SLC22A7: variants seen among roughly 807,000 people sequenced by gnomAD.
The protein encoded by SLC22A7 is solute carrier family 22 member 7, also known as hOAT2.
Under a neutral mutation model 62.2 loss-of-function variants are expected in SLC22A7, and 48 were observed. The observed-to-expected ratio is 0.77, with a 90% CI of 0.61 to 0.98. The LOEUF (loss-of-function observed/expected upper bound fraction) is 0.98, where lower values mean the gene tolerates loss of function less well. SLC22A7 is among the 50% of genes least tolerant of loss of function. The pLI is 0.00. For synonymous variants in SLC22A7, 276 were observed against 314.8 expected (o/e 0.88, Z 1.30); for missense variants, 581 against 703.8 (o/e 0.83, Z 1.97).
Position 43,302,771 on chromosome 6 carries a change from A to C in SLC22A7, c.1385+8A>C. On this transcript the variant is annotated splice_region_variant and intron_variant, in intron 9 of 10. Transcript: ENST00000372585. This position sits in a 1 kb window ranked among gnomAD's most constrained non-coding sequence, Gnocchi z 5.0. ...GTACCCTACGGTGCTCAGGTGAGGA[A>C]GCCTGCAACTGATCTGGGGGTATGG... 6.4e-7 allele frequency: 1 copy of C among 1,573,070 alleles called. No individual in the cohort carries two copies. The highest frequency in any genetic ancestry group is 1.7e-4 in the Middle Eastern group (1 of 5,972).
chr6:43,295,848 T>A (rs192465328), upstream of SLC22A7: 1 of 152,314 alleles, frequency 6.6e-6, no homozygotes, highest in Admixed American at 6.5e-5. Flanking sequence ...GGGAATAAGA[T>A]GGAGCCAGAG....
At chr6:43,297,069 GCCA>G (rs1203509349), upstream of SLC22A7, among the ~76,000 whole-genome samples, 1 of 152,094 alleles carries the variant, frequency 6.6e-6, no homozygotes, top group Admixed American at 6.5e-5. Context: ...CCCTGTCACT[GCCA>G]CCACCATTAG....
At chr6:43,298,989 A>C in intron 1 of SLC22A7, 103 bp from the exon 2 acceptor site, 1 of 1,255,656 alleles carries the variant, frequency 8.0e-7, no homozygotes, top group Non-Finnish European at 1.1e-6. Flanking sequence ...GGGAAGGGCT[A>C]AAGTGGCTTC....
chr6:43,301,522 G>A, intron 6 of SLC22A7, 61 bp from the exon 7 acceptor site: 1 of 1,316,812 alleles, frequency 7.6e-7, no homozygotes, highest in Non-Finnish European at 1.1e-6. Flanking sequence ...GGAGAGTACT[G>A]TGTCCCATTG....
intron 10 of SLC22A7, 73 bp downstream of exon 10, chr6:43,304,317 C>T: frequency 7.8e-7 from 1 of 1,282,668 alleles, no homozygotes; most frequent in East Asian, 2.5e-5. Flanking sequence ...ATACCTGACA[C>T]CTTAGGATTC....
Position 43,304,806 on chromosome 6 carries a change from T to C in SLC22A7, c.*81T>C, listed in dbSNP as rs1258818995. On this transcript the variant is annotated 3_prime_UTR_variant, in exon 11 of 11. Transcript: ENST00000372585. ...GAAGGGCAGGCCCTGCAACTCAGGC[T>C]GGGAGTATCGAACCCTCTGCCTAGG... 2 of 1,186,628 alleles carry C rather than the reference T, an allele frequency of 1.7e-6. No individual in the cohort carries two copies. The highest frequency in any genetic ancestry group is 2.3e-6 in the Non-Finnish European group (2 of 852,000). The allele number at this position is 1,186,628 out of a possible 1,614,324, so 73.5% of individuals were successfully genotyped here.
In SLC22A7 at chr6:43,304,248, T is replaced by C; in HGVS notation, c.1592+4T>C. 1.9e-6 allele frequency: 3 copies of C among 1,541,956 alleles called. No individual in the cohort carries two copies. The highest frequency in any genetic ancestry group is 1.8e-6 in the Non-Finnish European group (2 of 1,142,158). On this transcript the variant is annotated splice_donor_region_variant and intron_variant, in intron 10 of 10. Coordinates refer to ENST00000372585, the MANE Select transcript of SLC22A7 (RefSeq NM_153320.2). ...TCCAGGACGTGGAGAGAAAGAGGTG[T>C]GTGCACAGGACTGTGTCTGTGTACG...
rs373161942 is a variant in SLC22A7 at position 43,304,230 on chromosome 6, C to T, written c.1578C>T (p.Asp526=). The change falls in exon 10 of 11, where the codon GAC becomes GAT. Residue 526 remains aspartate, a synonymous_variant. Transcript: ENST00000372585. ...RQAQLPETIQ[D]VERKSAPTSL... ...CACAGCTGCCAGAGACCATCCAGGACGTGGAGAGAAAGAGGTGTGTGCACA... is the reference window on the plus strand; with the variant it reads ...CACAGCTGCCAGAGACCATCCAGGATGTGGAGAGAAAGAGGTGTGTGCACA... 44 of 1,563,214 alleles carry T rather than the reference C, an allele frequency of 2.8e-5. No homozygotes were observed. Among genetic ancestry groups the T allele is most frequent in the South Asian group, 1.7e-4 (14 of 84,822 alleles).
At chr6:43,300,966 A>G (rs2150732378) in intron 5 of SLC22A7, among the ~76,000 whole-genome samples, 169 bp from the exon 6 acceptor site, 1 of 152,342 alleles carries the variant, frequency 6.6e-6, no homozygotes, top group East Asian at 1.9e-4. Flanking sequence ...TGGGCATTAA[A>G]AGATGAATAA....
In SLC22A7 at chr6:43,298,419, G is replaced by A; in HGVS notation, c.61G>A (p.Val21Met). 1 of 1,614,110 alleles carries A rather than the reference G, an allele frequency of 6.2e-7. No individual in the cohort carries two copies. Among genetic ancestry groups the A allele is most frequent in the Non-Finnish European group, 8.5e-7 (1 of 1,180,016 alleles). The change falls in exon 1 of 11, where the codon GTG becomes ATG. Residue 21 changes from valine (V) to methionine (M), a missense_variant. Physicochemically the swap from Val to Met is conservative, Grantham distance 21 (BLOSUM62 1). Coordinates refer to ENST00000372585, the MANE Select transcript of SLC22A7 (RefSeq NM_153320.2). ...CTTTGGGCCCTTCCAACTGCGGAAT[G>A]TGGCACTGCTGGCCCTGCCCCGAGT... ...GGFGPFQLRN[V>M]ALLALPRVLL...
chr6:43,304,101 G>A lies in SLC22A7; in HGVS notation c.1449G>A (p.Ala483=), dbSNP rs76735449. Residue 483 remains alanine, a synonymous_variant, in exon 10 of 11, where the codon GCG becomes GCA. Transcript: ENST00000372585. ...TGGGGGGCTCTTTGGCCCCACTGGC[G>A]GCCTTGCTGGATGGAGTGTGGCTGT... The part of the protein sequence containing the change: ...GRLGGSLAPL[A]ALLDGVWLSL... 36 of 1,600,516 alleles carry A rather than the reference G, an allele frequency of 2.2e-5. No homozygotes were observed. The highest frequency in any genetic ancestry group is 3.4e-5 in the Admixed American group (2 of 58,830).
Position 43,302,131 on chromosome 6 carries a change from T to C in SLC22A7, c.1062-69T>C. 7.2e-7 allele frequency: 1 copy of C among 1,392,366 alleles called. No individual in the cohort carries two copies. The highest frequency in any genetic ancestry group is 2.2e-5 in the Admixed American group (1 of 46,048). The allele number at this position is 1,392,366 out of a possible 1,614,324, so 86.3% of individuals were successfully genotyped here. A position where few individuals can be genotyped will look rare whatever the true frequency, so the allele number is the denominator to read the frequency against. On this transcript the variant is annotated intron_variant, in intron 7 of 10. Coordinates refer to ENST00000372585, the MANE Select transcript of SLC22A7 (RefSeq NM_153320.2). This position sits in a 1 kb window ranked among gnomAD's most constrained non-coding sequence, Gnocchi z 5.0. ...GATTGCCCTTGTAAAATGCCAAGTC[T>C]TCCTGAGAAGAGAGGCCAAAGAGGG... is the stretch of plus-strand genomic sequence containing the variant.
Position 43,298,699 on chromosome 6 carries a change from C to T in SLC22A7, c.341C>T (p.Ser114Phe), listed in dbSNP as rs1342636711. 2 of 1,542,742 alleles carry T rather than the reference C, an allele frequency of 1.3e-6. No individual in the cohort carries two copies. Among genetic ancestry groups the T allele is most frequent in the African/African-American group, 2.7e-5 (2 of 72,934 alleles). ...LEDEPATVPC[S>F]QGWEYDHSEF... ...GATGAACCTGCCACAGTGCCCTGCT[C>T]TCAGGGCTGGGAGTACGACCACTCA... Residue 114 changes from serine to phenylalanine, a missense_variant, in exon 1 of 11, where the codon TCT becomes TTT. Transcript: ENST00000372585.
In SLC22A7 at chr6:43,302,326, G is replaced by C. The variant is rs373090700; in HGVS notation, c.1188G>C (p.Ser396=). The change falls in exon 8 of 11, where the codon TCG becomes TCC. Residue 396 remains serine, a synonymous_variant. Transcript: ENST00000372585. This position sits in a 1 kb window ranked among gnomAD's most constrained non-coding sequence, Gnocchi z 5.0. The part of the protein sequence containing the change: ...ELPSKLLVYL[S]VRYAGRRLTQ... Reference sequence around the variant, plus strand: ...CCTCCAAGCTGCTGGTCTACTTGTCGGTGCGCTACGCAGGACGCCGCCTCA... The same window carrying C: ...CCTCCAAGCTGCTGGTCTACTTGTCCGTGCGCTACGCAGGACGCCGCCTCA... 1.7e-5 allele frequency: 27 copies of C among 1,613,678 alleles called. No homozygotes were observed. The highest frequency in any genetic ancestry group is 2.1e-5 in the Non-Finnish European group (25 of 1,180,000).
rs1327795062 is a variant in SLC22A7 at position 43,301,168 on chromosome 6, C to A, written c.861C>A (p.Thr287=). Residue 287 remains threonine (T), a synonymous_variant, in exon 6 of 11, where the codon ACC becomes ACA. Coordinates refer to ENST00000372585, the MANE Select transcript of SLC22A7 (RefSeq NM_153320.2). ...CTGAGTCTGCACGCTGGCTTCTGAC[C>A]CAAGGCCATGTGAAAGAGGCCCACA... ...WVPESARWLL[T]QGHVKEAHRY... 6.2e-7 allele frequency: 1 copy of A among 1,614,180 alleles called. No individual in the cohort carries two copies. The highest frequency in any genetic ancestry group is 1.7e-5 in the Admixed American group (1 of 60,032).
chr6:43,299,872 T>C lies in SLC22A7; in HGVS notation c.659-26T>C. The C allele has an allele frequency of 6.2e-7, 1 of 1,614,182 alleles. No individual in the cohort carries two copies. Among genetic ancestry groups the C allele is most frequent in the South Asian group, 1.1e-5 (1 of 91,088 alleles). ...GAGCCCATCTGGTCCTCACTAACCA[T>C]CTTCCTGTCTCCTGTCCTGGCCCAG... On this transcript the variant is annotated intron_variant, in intron 4 of 10. Coordinates refer to ENST00000372585, the MANE Select transcript of SLC22A7 (RefSeq NM_153320.2). The surrounding 1 kb of genome is among the most constrained non-coding windows in gnomAD (Gnocchi z 4.4).
At position 43,305,535 on chromosome 6, in the gene SLC22A7, A is replaced by C. The variant is rs774810641; in HGVS notation, c.*810A>C. The C allele has an allele frequency of 6.0e-6, 3 of 502,946 alleles. No individual in the cohort carries two copies. Among genetic ancestry groups the C allele is most frequent in the Non-Finnish European group, 1.1e-5 (3 of 282,428 alleles). 31.2% of individuals were successfully genotyped at this position (502,946 alleles called of 1,614,324 possible). ...AAATTCAATAAACACAAGTTTTATG[A>C]GTACCTTGAAGCTCCAGAATGTGCT... On this transcript the variant is annotated 3_prime_UTR_variant, in exon 11 of 11. Coordinates refer to ENST00000372585, the MANE Select transcript of SLC22A7 (RefSeq NM_153320.2).
chr6:43,304,680 C>A lies in SLC22A7; in HGVS notation c.1602C>A (p.Thr534=), dbSNP rs773949153. The A allele has an allele frequency of 3.6e-5, 57 of 1,602,288 alleles. No individual in the cohort carries two copies. Among genetic ancestry groups the A allele is most frequent in the Non-Finnish European group, 4.6e-5 (54 of 1,172,590 alleles). The change falls in exon 11 of 11, where the codon ACC becomes ACA. Residue 534 remains threonine (T), a synonymous_variant. Coordinates refer to ENST00000372585, the MANE Select transcript of SLC22A7 (RefSeq NM_153320.2). The part of the protein sequence containing the change: ...IQDVERKSAP[T]SLQEEEMPMK... ...ACTCCTTCCTCCCTAGTGCCCCAACCAGTCTTCAGGAGGAAGAGATGCCCA... is the reference window on the plus strand; with the variant it reads ...ACTCCTTCCTCCCTAGTGCCCCAACAAGTCTTCAGGAGGAAGAGATGCCCA...
At position 43,301,262 on chromosome 6, in the gene SLC22A7, A is replaced by C. The variant is rs1778734336; in HGVS notation, c.951+4A>C. The C allele has an allele frequency of 1.9e-6, 3 of 1,614,092 alleles. No individual in the cohort carries two copies. The highest frequency in any genetic ancestry group is 3.3e-5 in the Admixed American group (2 of 60,022). ...TGAGGACAGCTTCAGCCAGGAGGTG[A>C]GGGTGAACGTGTGTGTGAGCATGCA... On this transcript the variant is annotated splice_donor_region_variant and intron_variant, in intron 6 of 10. Coordinates refer to ENST00000372585, the MANE Select transcript of SLC22A7 (RefSeq NM_153320.2).
Sources: gnomAD v4.1 joint callset for allele counts (sites outside exome capture counted in the v4.1 genomes callset) on GRCh38, gnomAD v4.1.1 for gene constraint, Gnocchi (gnomAD v3.1) non-coding constraint, MANE v1.5 for transcripts, NCBI Gene and HGNC (gene_info 2026-07-23, HGNC 2026-07-21) for gene names.